Variants in ADAM23 observed in about 807,000 individuals in gnomAD.
ADAM23 encodes the protein ADAM metallopeptidase domain 23, also known as disintegrin and metalloproteinase domain-containing protein 23.
ADAM23 carries 33 observed loss-of-function variants against 120.1 expected under a neutral mutation model. The observed-to-expected ratio is 0.27, with a 90% CI of 0.21 to 0.37. ADAM23 has a LOEUF of 0.37. Ranked by LOEUF, ADAM23 falls within the 10% of genes least tolerant of loss-of-function variation. The probability of loss-of-function intolerance (pLI) is 1.00; values close to 1 mark genes in which losing one functional copy is unlikely to be tolerated. For missense variants in ADAM23, 862 were observed against 1,058.2 expected (o/e 0.81, Z 2.57); for synonymous variants, 367 against 375.2 (o/e 0.98, Z 0.25).
chr2:206,483,687 A>G (rs557333231), intron 3 of ADAM23, among the ~76,000 whole-genome samples: 3 of 152,322 alleles, frequency 2.0e-5, no homozygotes, highest in Non-Finnish European at 2.9e-5. Flanking sequence ...AGAGCCATCT[A>G]CTGGCACATG....
chr2:206,619,308 C>CT lies in ADAM23; in HGVS notation c.*1682dup, dbSNP rs1372359716. 1 of 152,204 alleles carries CT rather than the reference C, an allele frequency of 6.6e-6. No homozygotes were observed. The highest frequency in any genetic ancestry group is 1.5e-5 in the Non-Finnish European group (1 of 68,036). 9.4% of individuals were successfully genotyped at this position (152,204 alleles called of 1,614,324 possible). ...TGTAATCTGGGCTTTCCAAGTCCCT[C>CT]TGAGTTTCCTTCACTTTTACTGATT... On this transcript the variant is annotated 3_prime_UTR_variant, in exon 26 of 26. Transcript: ENST00000264377.
chr2:206,455,499 G>C (rs1695279546), intron 2 of ADAM23, among the ~76,000 whole-genome samples: 1 of 152,176 alleles, frequency 6.6e-6, no homozygotes, highest in Non-Finnish European at 1.5e-5. Flanking sequence ...TCTGCAGCAG[G>C]CTTGAATTTC....
At chr2:206,607,579 A>T (rs931688111) in intron 24 of ADAM23, among the ~76,000 whole-genome samples, 1 of 152,140 alleles carries the variant, frequency 6.6e-6, no homozygotes, top group Admixed American at 6.5e-5. Flanking sequence ...TGTTATCAGC[A>T]TTTGTTTTCA....
rs192166950 is a variant in ADAM23 at position 206,571,883 on chromosome 2, C to T, written c.1656+67C>T. The T allele has an allele frequency of 3.3e-5, 46 of 1,395,966 alleles. No individual in the cohort carries two copies. The East Asian group carries it at 1.0e-3, about 31-fold the overall frequency. The allele number at this position is 1,395,966 out of a possible 1,614,324, so 86.5% of individuals were successfully genotyped here. ...TTAGCCAGATATCTCAGTGTGTACA[C>T]TGAGCATTTGTGTAGCTTGTCACAA... On this transcript the variant is annotated intron_variant, in intron 17 of 25. Transcript: ENST00000264377.
At chr2:206,551,058 C>T (rs914020523) in intron 9 of ADAM23, among the ~76,000 whole-genome samples, 2 of 152,144 alleles carry the variant, frequency 1.3e-5, no homozygotes, top group Non-Finnish European at 2.9e-5. Context: ...ATAGAAACTC[C>T]GTTAACTATA....
At chr2:206,579,794 G>A (rs911194274) in intron 18 of ADAM23, among the ~76,000 whole-genome samples, 5 of 152,084 alleles carry the variant, frequency 3.3e-5, no homozygotes, top group Non-Finnish European at 5.9e-5. Context: ...TGGGGATTGT[G>A]TTGAATTTGT....
intron 18 of ADAM23, among the ~76,000 whole-genome samples, chr2:206,582,174 G>A (rs551934802): frequency 1.4e-4 from 22 of 152,294 alleles, no homozygotes; most frequent in South Asian, 4.1e-4. Context: ...CACCACGCCC[G>A]GCCAACATTT....
intron 3 of ADAM23, among the ~76,000 whole-genome samples, chr2:206,527,963 T>G (rs1361467173): frequency 6.6e-6 from 1 of 152,188 alleles, no homozygotes; most frequent in African/African-American, 2.4e-5. Context: ...GAAACAGGTA[T>G]GTTCATGAGA....
intron 2 of ADAM23, among the ~76,000 whole-genome samples, chr2:206,463,374 G>A (rs1222891560): frequency 6.6e-6 from 1 of 152,206 alleles, no homozygotes; most frequent in Non-Finnish European, 1.5e-5. Context: ...TTAGAAGGTG[G>A]AAAAGATTAG....
intron 23 of ADAM23, 44 bp from the exon 24 acceptor site, chr2:206,596,007 C>T (rs757743328): frequency 6.8e-7 from 1 of 1,465,928 alleles, no homozygotes; most frequent in East Asian, 2.3e-5. Context: ...TATTATTCTA[C>T]AAAATACAGT....
intron 8 of ADAM23, 65 bp from the exon 9 acceptor site, chr2:206,550,030 A>T: frequency 1.0e-6 from 1 of 981,282 alleles, no homozygotes; most frequent in Non-Finnish European, 1.5e-6. Context: ...CTACAACTTA[A>T]CAGTGAGCAC....
chr2:206,497,966 A>AAGG (rs1436896842), intron 3 of ADAM23, among the ~76,000 whole-genome samples: 15 of 151,028 alleles, frequency 9.9e-5, no homozygotes, highest in Admixed American at 2.0e-4. Context: ...GGAGCTCTTC[A>AAGG]AGAACTACAA....
intron 9 of ADAM23, among the ~76,000 whole-genome samples, chr2:206,550,694 C>T (rs1302407435): frequency 2.0e-5 from 3 of 151,794 alleles, no homozygotes; most frequent in Middle Eastern, 3.4e-3. Context: ...CTCCGCCTCC[C>T]GGGTTCACGC....
intron 18 of ADAM23, 84 bp from the exon 19 acceptor site, chr2:206,587,241 C>T (rs76058025): frequency 1.1e-6 from 1 of 939,970 alleles, no homozygotes; most frequent in South Asian, 1.7e-5. Flanking sequence ...TATATATCCA[C>T]CATGCTTGCA....
intron 24 of ADAM23, among the ~76,000 whole-genome samples, chr2:206,601,735 C>T (rs1698643133): frequency 6.7e-6 from 1 of 149,838 alleles, no homozygotes; most frequent in East Asian, 2.0e-4. Flanking sequence ...GATCACACCA[C>T]TGCACTCCAG....
intron 8 of ADAM23, 112 bp downstream of exon 8, chr2:206,548,466 G>A: frequency 3.0e-6 from 3 of 998,748 alleles, no homozygotes; most frequent in Non-Finnish European, 4.4e-6. Flanking sequence ...GGGGACTGTT[G>A]TTTAAAAATG....
chr2:206,541,193 A>T (rs908356246), intron 4 of ADAM23, among the ~76,000 whole-genome samples: 1 of 151,626 alleles, frequency 6.6e-6, no homozygotes, highest in Non-Finnish European at 1.5e-5. Flanking sequence ...TAAAAGTGTC[A>T]CAGAGTACCC....
chr2:206,496,670 A>G (rs1696255375), intron 3 of ADAM23, among the ~76,000 whole-genome samples: 1 of 152,242 alleles, frequency 6.6e-6, no homozygotes, highest in Non-Finnish European at 1.5e-5. Flanking sequence ...ACTGAAGGAA[A>G]TAGAGACACA....
At chr2:206,556,827 C>T (rs1343474817) in intron 9 of ADAM23, among the ~76,000 whole-genome samples, 1 of 152,060 alleles carries the variant, frequency 6.6e-6, no homozygotes, top group East Asian at 1.9e-4. Flanking sequence ...ATACTAAATG[C>T]CTGGCAAATG....
Sources: allele counts gnomAD v4.1 joint callset (sites outside exome capture counted in the v4.1 genomes callset), GRCh38; gene constraint gnomAD v4.1.1; transcripts MANE v1.5; gene names NCBI Gene and HGNC (gene_info 2026-07-23, HGNC 2026-07-21).